Variants in SNAP25 observed in about 807,000 individuals in gnomAD.
SNAP25 encodes synaptosome associated protein 25.
In SNAP25, 3 loss-of-function variants were observed where a neutral mutation model predicts 28.7. That is an observed-to-expected ratio of 0.10 (90% CI 0.05 to 0.27). SNAP25 has a LOEUF of 0.27. Among genes scored for constraint, SNAP25 ranks in the 10% least tolerant of loss-of-function variants. SNAP25 has a pLI of 1.00. For missense variants in SNAP25, 117 were observed against 278.7 expected, an observed-to-expected ratio of 0.42 and a Z score of 4.13; for synonymous variants, 61 against 88.1, an observed-to-expected ratio of 0.69 and a Z score of 1.72.
chr20:10,299,437 C>T (rs1292640966), intron 7 of SNAP25, 25 bp downstream of exon 7: 1 of 1,604,796 alleles, frequency 6.2e-7, no homozygotes, highest in Non-Finnish European at 8.5e-7. Flanking sequence ...GTCAGCAAGT[C>T]CCTACTGCGA....
intron 1 of SNAP25, among the ~76,000 whole-genome samples, chr20:10,223,067 A>G (rs938642766): frequency 6.6e-6 from 1 of 152,132 alleles, no homozygotes; most frequent in Non-Finnish European, 1.5e-5. Context: ...AAAAGTTGTC[A>G]TTTCTTCTGA....
In SNAP25 at chr20:10,222,481, T is replaced by A. The variant is rs550701804; in HGVS notation, c.-64+3504T>A. On this transcript the variant is annotated intron_variant, in intron 1 of 7. Coordinates refer to ENST00000254976, the MANE Select transcript of SNAP25 (RefSeq NM_130811.4). The stretch of plus-strand genomic sequence containing the variant: ...CAAGTTAGGCAAGCCCACTCTACAG[T>A]TGGCAAACCCTGAAAATGCCCATTG... Among the ~76,000 whole-genome samples, 221 of 152,266 alleles carry A rather than the reference T, an allele frequency of 1.5e-3. 1 individual carries two copies. The highest frequency in any genetic ancestry group is 2.4e-3 in the Non-Finnish European group (164 of 68,018).
chr20:10,295,660 A>C (rs1449200863), intron 5 of SNAP25, among the ~76,000 whole-genome samples: 1 of 149,194 alleles, frequency 6.7e-6, no homozygotes, highest in Non-Finnish European at 1.5e-5. Flanking sequence ...CGAAAGAAGA[A>C]GATAAAATGT....
At chr20:10,292,757 C>T (rs1451553800) in intron 4 of SNAP25, 6 of 656,316 alleles carry the variant, frequency 9.1e-6, no homozygotes, top group South Asian at 2.1e-5. Flanking sequence ...TTCAACAATG[C>T]ATCCTCTTGG....
intron 1 of SNAP25, among the ~76,000 whole-genome samples, chr20:10,273,449 C>G (rs994996330): frequency 2.6e-5 from 4 of 152,184 alleles, no homozygotes; most frequent in Non-Finnish European, 5.9e-5. Flanking sequence ...ATATTGTTTG[C>G]TCACGTAAGA....
chr20:10,296,329 T>C (rs1385819111), intron 5 of SNAP25: 1 of 154,756 alleles, frequency 6.5e-6, no homozygotes, highest in African/African-American at 2.4e-5. Context: ...CAAATCACTC[T>C]AGAGGCAATG....
intron 1 of SNAP25, among the ~76,000 whole-genome samples, chr20:10,248,783 T>G (rs1323399315): frequency 6.6e-6 from 1 of 152,260 alleles, no homozygotes; most frequent in Non-Finnish European, 1.5e-5. Context: ...AACATTAGTG[T>G]GCACTAGAAT....
chr20:10,219,385 T>C (rs1193781639), intron 1 of SNAP25: 1 of 152,168 alleles, frequency 6.6e-6, no homozygotes. Flanking sequence ...AGGGAAGAAT[T>C]AAGGGGGAGA....
chr20:10,304,211 C>T (rs1040405215), intron 7 of SNAP25, among the ~76,000 whole-genome samples: 2 of 152,150 alleles, frequency 1.3e-5, no homozygotes, highest in African/African-American at 4.8e-5. Context: ...TTCCCCAGAT[C>T]GTTTCTGACT....
intron 1 of SNAP25, among the ~76,000 whole-genome samples, chr20:10,268,198 G>A (rs1036186260): frequency 6.6e-6 from 1 of 151,910 alleles, no homozygotes; most frequent in Admixed American, 6.6e-5. Flanking sequence ...TTCTTCTTTG[G>A]GCTTTGTTGA....
intron 1 of SNAP25, among the ~76,000 whole-genome samples, chr20:10,245,093 A>G (rs2063103742): frequency 6.6e-6 from 1 of 152,152 alleles, no homozygotes; most frequent in African/African-American, 2.4e-5. Context: ...GGTTAGGAAA[A>G]GAGAGCTGAG....
Position 10,255,948 on chromosome 20 carries a change from C to T in SNAP25, c.-63-19481C>T, listed in dbSNP as rs57895020. ...AATAAATCAACATTATGTAAAAAAA[C>T]CTTTATGCATAGATAATGCAAGGGC... On this transcript the variant is annotated intron_variant, in intron 1 of 7. Transcript: ENST00000254976. 7.4e-3 allele frequency among the ~76,000 whole-genome samples: 1,134 copies of T among 152,306 alleles called. 9 individuals are homozygous for T. The highest frequency in any genetic ancestry group is 0.026 in the African/African-American group (1,089 of 41,568).
In SNAP25 at chr20:10,299,395, G is replaced by A; in HGVS notation, c.535G>A (p.Asp179Asn). Residue 179 changes from aspartate (D) to asparagine (N), a missense_variant, in exon 7 of 8, where the codon GAC (aspartate) becomes AAC (asparagine). This residue lies in a region of SNAP25 where 88 missense variants were observed against 206.9 expected (regional missense o/e 0.43). Coordinates refer to ENST00000254976, the MANE Select transcript of SNAP25 (RefSeq NM_130811.4). ...GATCGATACACAGAATCGCCAGATC[G>A]ACAGGATCATGGAGAAGGTGAGCAC... is the stretch of plus-strand genomic sequence containing the variant. The part of the protein sequence containing the change: ...NEIDTQNRQI[D>N]RIMEKADSNK... 1.9e-6 allele frequency: 3 copies of A among 1,613,634 alleles called. No individual in the cohort carries two copies. The highest frequency in any genetic ancestry group is 2.2e-5 in the East Asian group (1 of 44,834).
rs548344896 is a variant in SNAP25 at position 10,306,242 on chromosome 20, G to T, written c.*45G>T. The T allele has an allele frequency of 3.8e-6, 6 of 1,560,052 alleles. No homozygotes were observed. The highest frequency in any genetic ancestry group is 2.7e-5 in the African/African-American group (2 of 73,668). ...CCTCCAAATGCTGTCGGGCAAGATAGCTCCTTCATGCTTTTCTCATGGTAT... is the reference window on the plus strand; with the variant it reads ...CCTCCAAATGCTGTCGGGCAAGATATCTCCTTCATGCTTTTCTCATGGTAT... On this transcript the variant is annotated 3_prime_UTR_variant, in exon 8 of 8. Coordinates refer to ENST00000254976, the MANE Select transcript of SNAP25 (RefSeq NM_130811.4).
intron 2 of SNAP25, among the ~76,000 whole-genome samples, 191 bp downstream of exon 2, chr20:10,275,754 A>C (rs542713109): frequency 6.6e-6 from 1 of 152,332 alleles, no homozygotes; most frequent in Non-Finnish European, 1.5e-5. Context: ...GCTGCATACA[A>C]ATTACTGTCT....
chr20:10,290,123 C>T (rs1308821449), intron 4 of SNAP25, among the ~76,000 whole-genome samples: 1 of 152,070 alleles, frequency 6.6e-6, no homozygotes, highest in African/African-American at 2.4e-5. Flanking sequence ...GCTGTTCATC[C>T]CAGAATGAGA....
intron 1 of SNAP25, 30 bp from the exon 2 acceptor site, chr20:10,275,399 T>C: frequency 8.9e-7 from 1 of 1,118,650 alleles, no homozygotes; most frequent in Non-Finnish European, 1.3e-6. Flanking sequence ...ATATATAAGC[T>C]CTCATATTTT....
At chr20:10,291,505 G>C (rs1241473762) in intron 4 of SNAP25, among the ~76,000 whole-genome samples, 1 of 152,136 alleles carries the variant, frequency 6.6e-6, no homozygotes, top group Non-Finnish European at 1.5e-5. Context: ...GTTTTCACCT[G>C]TCATTTCAAA....
intron 7 of SNAP25, among the ~76,000 whole-genome samples, chr20:10,300,702 T>C (rs1264307911): frequency 6.6e-6 from 1 of 152,242 alleles, no homozygotes; most frequent in African/African-American, 2.4e-5. Flanking sequence ...AAATATCTGA[T>C]TGCATATTTT....
Sources: gnomAD v4.1 joint callset for allele counts (sites outside exome capture counted in the v4.1 genomes callset) on GRCh38, gnomAD v4.1.1 for gene constraint, gnomAD v4.1.1 regional missense constraint, MANE v1.5 for transcripts, NCBI Gene and HGNC (gene_info 2026-07-23, HGNC 2026-07-21) for gene names.